PITPNC1: variants seen among roughly 807,000 people sequenced by gnomAD.
PITPNC1 encodes cytoplasmic phosphatidylinositol transfer protein 1.
In PITPNC1, 18 loss-of-function variants were observed where a neutral mutation model predicts 44.7. That is an observed-to-expected ratio of 0.40 (90% CI 0.28 to 0.60). PITPNC1 has a LOEUF of 0.60. Ranked by LOEUF, PITPNC1 falls within the 20% of genes least tolerant of loss-of-function variation. The pLI is 0.39. For missense variants in PITPNC1, 290 were observed against 418.4 expected, an observed-to-expected ratio of 0.69 and a Z score of 2.68; for synonymous variants, 141 against 149.6, an observed-to-expected ratio of 0.94 and a Z score of 0.42.
At chr17:67,573,076 CCA>C (rs1302516515) in intron 4 of PITPNC1, among the ~76,000 whole-genome samples, 1 of 152,156 alleles carries the variant, frequency 6.6e-6, no homozygotes, top group Non-Finnish European at 1.5e-5. Context: ...CTGTTTTAAG[CCA>C]CGCAGTTTGT....
chr17:67,425,859 A>G (rs886579981), intron 1 of PITPNC1, among the ~76,000 whole-genome samples: 1 of 152,110 alleles, frequency 6.6e-6, no homozygotes, highest in Non-Finnish European at 1.5e-5. Context: ...CCAGAAAGTA[A>G]ATATTTTTGC....
intron 6 of PITPNC1, among the ~76,000 whole-genome samples, chr17:67,658,331 C>G (rs2042297227): frequency 6.6e-6 from 1 of 152,148 alleles, no homozygotes; most frequent in South Asian, 2.1e-4. Flanking sequence ...CTACTCTTTC[C>G]TAATTGGTTA....
At chr17:67,443,158 C>T (rs1459659600) in intron 1 of PITPNC1, among the ~76,000 whole-genome samples, 4 of 152,060 alleles carry the variant, frequency 2.6e-5, no homozygotes, top group Non-Finnish European at 5.9e-5. Context: ...GGGCGCCTGC[C>T]CTGTCTGGCC....
intron 4 of PITPNC1, among the ~76,000 whole-genome samples, chr17:67,565,027 T>C (rs1268573541): frequency 6.6e-6 from 1 of 152,200 alleles, no homozygotes; most frequent in Non-Finnish European, 1.5e-5. Context: ...TTTCAGTGTG[T>C]ATACTCGTTT....
intron 1 of PITPNC1, among the ~76,000 whole-genome samples, chr17:67,417,327 CTA>C (rs777161311): frequency 1.3e-5 from 2 of 151,736 alleles, no homozygotes; most frequent in Non-Finnish European, 2.9e-5. Flanking sequence ...ACAGGTCTTG[CTA>C]TGTTTGCCCA....
At chr17:67,591,863 C>T (rs984815997) in intron 5 of PITPNC1, among the ~76,000 whole-genome samples, 2 of 151,608 alleles carry the variant, frequency 1.3e-5, no homozygotes, top group African/African-American at 4.9e-5. Flanking sequence ...GAGCACATCA[C>T]CATGCCCAGC....
intron 1 of PITPNC1, among the ~76,000 whole-genome samples, chr17:67,383,217 G>A (rs2037990970): frequency 6.6e-6 from 1 of 152,064 alleles, no homozygotes; most frequent in African/African-American, 2.4e-5. Flanking sequence ...GGCTGGTCTC[G>A]AACTCCTGAG....
At chr17:67,686,488 A>T (rs1377718668) in intron 8 of PITPNC1, among the ~76,000 whole-genome samples, 1 of 152,040 alleles carries the variant, frequency 6.6e-6, no homozygotes, top group Admixed American at 6.6e-5. Context: ...CTTGAGGTTC[A>T]GTATAGACCT....
rs143699296 is a variant in PITPNC1, at chr17:67,597,782, C to A, written c.366+19525C>A. On this transcript the variant is annotated intron_variant, in intron 5 of 8. Coordinates refer to ENST00000581322, the MANE Select transcript of PITPNC1 (RefSeq NM_012417.4). The surrounding 1 kb of genome is among the most constrained non-coding windows in gnomAD (Gnocchi z 4.0). ...TCTCATTGCAAGGCAGTGGGGTAGGCTCTATGGAGAACACATGCTAGAGGG... is the reference window on the plus strand; with the variant it reads ...TCTCATTGCAAGGCAGTGGGGTAGGATCTATGGAGAACACATGCTAGAGGG... 6.6e-6 allele frequency among the ~76,000 whole-genome samples: 1 copy of A among 152,094 alleles called. No homozygotes were observed. Among genetic ancestry groups the A allele is most frequent in the Non-Finnish European group, 1.5e-5 (1 of 68,026 alleles).
At chr17:67,576,240 C>A (rs1168088059) in intron 4 of PITPNC1, among the ~76,000 whole-genome samples, 1 of 152,086 alleles carries the variant, frequency 6.6e-6, no homozygotes, top group Non-Finnish European at 1.5e-5. Context: ...TCTTTGAGAA[C>A]CACTCAGTAT....
intron 5 of PITPNC1, among the ~76,000 whole-genome samples, chr17:67,588,985 C>G (rs1258816565): frequency 6.6e-6 from 1 of 152,170 alleles, no homozygotes; most frequent in Non-Finnish European, 1.5e-5. Flanking sequence ...ACAAAATCTG[C>G]AATTTTCTCT....
intron 1 of PITPNC1, among the ~76,000 whole-genome samples, chr17:67,496,985 G>T (rs1263778094): frequency 1.3e-5 from 2 of 151,860 alleles, no homozygotes; most frequent in African/African-American, 4.8e-5. Flanking sequence ...AGAAAACCAG[G>T]CATGGTGGTG....
intron 6 of PITPNC1, among the ~76,000 whole-genome samples, chr17:67,669,269 C>T (rs1308049059): frequency 1.3e-5 from 2 of 152,160 alleles, no homozygotes; most frequent in Non-Finnish European, 2.9e-5. Context: ...GGGATTACCA[C>T]CATGCCCAGC....
At chr17:67,621,875 T>C (rs1434312283) in intron 5 of PITPNC1, among the ~76,000 whole-genome samples, 2 of 152,010 alleles carry the variant, frequency 1.3e-5, no homozygotes, top group Non-Finnish European at 2.9e-5. Context: ...AACAACACTT[T>C]GGGAGGCCAT....
At chr17:67,683,143 C>T (rs922408216) in intron 8 of PITPNC1, among the ~76,000 whole-genome samples, 2 of 98,480 alleles carry the variant, frequency 2.0e-5, no homozygotes, top group African/African-American at 8.2e-5. Context: ...GCCCGGGTGA[C>T]AAGAGCGAAA....
At chr17:67,409,730 GTTTCATC>G (rs1271670279) in intron 1 of PITPNC1, among the ~76,000 whole-genome samples, 1 of 151,862 alleles carries the variant, frequency 6.6e-6, no homozygotes, top group Non-Finnish European at 1.5e-5. Flanking sequence ...TAGAGGTGGG[GTTTCATC>G]ATGTTGTCCA....
chr17:67,420,827 GACTT>G (rs1195419386), intron 1 of PITPNC1, among the ~76,000 whole-genome samples: 1 of 152,174 alleles, frequency 6.6e-6, no homozygotes, highest in Non-Finnish European at 1.5e-5. Context: ...TTGGCACTCA[GACTT>G]ACTTTCCAGT....
intron 4 of PITPNC1, among the ~76,000 whole-genome samples, chr17:67,560,188 G>C (rs2040888255): frequency 6.6e-6 from 1 of 152,190 alleles, no homozygotes; most frequent in African/African-American, 2.4e-5. Context: ...TTGTCCAAGG[G>C]ATCTTGGATT....
chr17:67,655,980 C>T (rs970268643), intron 6 of PITPNC1, among the ~76,000 whole-genome samples: 3 of 152,180 alleles, frequency 2.0e-5, no homozygotes, highest in Non-Finnish European at 4.4e-5. Flanking sequence ...GGGCAACAAA[C>T]GTTCAGACCA....
Sources: gnomAD v4.1 joint callset for allele counts (sites outside exome capture counted in the v4.1 genomes callset) on GRCh38, gnomAD v4.1.1 for gene constraint, Gnocchi (gnomAD v3.1) non-coding constraint, MANE v1.5 for transcripts, NCBI Gene and HGNC (gene_info 2026-07-23, HGNC 2026-07-21) for gene names.